MAML3: variants seen among roughly 807,000 people sequenced by gnomAD.
MAML3 encodes the protein mastermind-like protein 3.
In MAML3, 27 loss-of-function variants were observed where a neutral mutation model predicts 101.9. The ratio of observed to expected loss-of-function variants is 0.27; its 90% confidence interval spans 0.20 to 0.37. MAML3 has a LOEUF of 0.37. Among genes scored for constraint, MAML3 ranks in the 10% least tolerant of loss-of-function variants. MAML3 has a pLI of 1.00. For missense variants in MAML3, 1,316 were observed against 1,444.9 expected, an observed-to-expected ratio of 0.91 and a Z score of 1.45; for synonymous variants, 501 against 555.9, an observed-to-expected ratio of 0.90 and a Z score of 1.39.
chr4:139,910,475 T>C (rs1325855317), intron 1 of MAML3, among the ~76,000 whole-genome samples: 1 of 152,078 alleles, frequency 6.6e-6, no homozygotes, highest in Non-Finnish European at 1.5e-5. Flanking sequence ...AATTCAAATT[T>C]ATTTAAATAC....
chr4:139,851,756 C>A (rs997155100), intron 2 of MAML3, among the ~76,000 whole-genome samples: 7 of 152,192 alleles, frequency 4.6e-5, no homozygotes, highest in Non-Finnish European at 1.0e-4. Flanking sequence ...AGACTGTAAT[C>A]ATCTTGGCGC....
intron 1 of MAML3, among the ~76,000 whole-genome samples, chr4:140,082,500 G>C (rs373250739): frequency 2.0e-5 from 3 of 152,160 alleles, no homozygotes; most frequent in Admixed American, 6.5e-5. Flanking sequence ...CTCCCTGCCT[G>C]GTTGCCTGTT....
chr4:139,840,170 T>C (rs933080641), intron 2 of MAML3, among the ~76,000 whole-genome samples: 1 of 152,220 alleles, frequency 6.6e-6, no homozygotes, highest in African/African-American at 2.4e-5. Context: ...AGACACTACA[T>C]GGTCCCCTGG....
intron 1 of MAML3, among the ~76,000 whole-genome samples, chr4:139,915,296 C>G (rs1733005239): frequency 6.6e-6 from 1 of 152,210 alleles, no homozygotes; most frequent in Admixed American, 6.5e-5. Context: ...AAAACCAACT[C>G]CTCTTTGGAA....
chr4:139,942,873 G>C (rs2110742244), intron 1 of MAML3, among the ~76,000 whole-genome samples: 1 of 152,200 alleles, frequency 6.6e-6, no homozygotes, highest in South Asian at 2.1e-4. Flanking sequence ...CAGGTTGACA[G>C]GTTAATTTGG....
chr4:139,775,597 C>T lies in MAML3; in HGVS notation c.2080-44930G>A, dbSNP rs191665835. Among the ~76,000 whole-genome samples, 121 of 152,050 alleles carry T rather than the reference C, an allele frequency of 8.0e-4. 1 individual carries two copies. Among genetic ancestry groups the T allele is most frequent in the African/African-American group, 2.6e-3 (108 of 41,434 alleles). The stretch of plus-strand genomic sequence containing the variant: ...CAGGTTAAACCATGAGCTGTGGGCC[C>T]GGAAAGGAAAATAGGGGGCAGTTTG... On this transcript the variant is annotated intron_variant, in intron 2 of 4. Transcript: ENST00000509479.
chr4:139,823,297 A>G (rs546601862), intron 2 of MAML3, among the ~76,000 whole-genome samples: 2 of 152,328 alleles, frequency 1.3e-5, no homozygotes, highest in African/African-American at 4.8e-5. Flanking sequence ...GAGAACCCTG[A>G]ACTGAATTGG....
intron 2 of MAML3, among the ~76,000 whole-genome samples, chr4:139,879,435 A>G (rs1400731329): frequency 2.0e-5 from 3 of 151,480 alleles, no homozygotes; most frequent in African/African-American, 7.3e-5. Flanking sequence ...ATGAGGCTCA[A>G]GAATCGCTTG....
chr4:140,095,070 C>T lies in MAML3; in HGVS notation c.468+57790G>A, dbSNP rs577142100. Among the ~76,000 whole-genome samples the T allele has an allele frequency of 2.2e-4, 33 of 152,334 alleles. No homozygotes were observed. The East Asian group carries it at 4.1e-3, about 19-fold the overall frequency. On this transcript the variant is annotated intron_variant, in intron 1 of 4. Coordinates refer to ENST00000509479, the MANE Select transcript of MAML3 (RefSeq NM_018717.5). ...GCAGCCAGGCTGCAGCCACCCACAG[C>T]CTTGGGGCTGCCCTGACCCTGCCTC... is the stretch of plus-strand genomic sequence containing the variant.
intron 1 of MAML3, among the ~76,000 whole-genome samples, chr4:140,135,671 C>T (rs1049720638): frequency 1.5e-4 from 23 of 152,188 alleles, no homozygotes; most frequent in Non-Finnish European, 3.1e-4. Context: ...CACCCAATGC[C>T]GAGAGAGTTC....
intron 2 of MAML3, among the ~76,000 whole-genome samples, chr4:139,818,483 A>C (rs548828647): frequency 2.6e-5 from 4 of 152,304 alleles, no homozygotes; most frequent in African/African-American, 9.6e-5. Flanking sequence ...ATTTTTTCTA[A>C]CTAATTGAGG....
At chr4:139,887,808 C>A (rs773302700) in intron 2 of MAML3, among the ~76,000 whole-genome samples, 1 of 152,196 alleles carries the variant, frequency 6.6e-6, no homozygotes, top group African/African-American at 2.4e-5. Context: ...CCTTCTGACA[C>A]GCCTGGGCTA....
In MAML3 at chr4:140,112,911, T is replaced by C. The variant is rs546632764; in HGVS notation, c.468+39949A>G. On this transcript the variant is annotated intron_variant, in intron 1 of 4. Coordinates refer to ENST00000509479, the MANE Select transcript of MAML3 (RefSeq NM_018717.5). ...AAGAAAAAATAAAGCATAAAGAAAC[T>C]TGCATGCAATGCTCAGAAGCAAGGG... Among the ~76,000 whole-genome samples, 31 of 152,336 alleles carry C rather than the reference T, an allele frequency of 2.0e-4. No homozygotes were observed. In the East Asian group the frequency reaches 5.6e-3, roughly 28 times the overall value.
intron 1 of MAML3, among the ~76,000 whole-genome samples, chr4:139,935,876 T>C (rs1446004237): frequency 6.6e-6 from 1 of 152,184 alleles, no homozygotes; most frequent in African/African-American, 2.4e-5. Flanking sequence ...TTACCATTTA[T>C]TTTCTATGTG....
intron 1 of MAML3, among the ~76,000 whole-genome samples, chr4:140,067,321 G>A (rs1046835759): frequency 6.6e-6 from 1 of 152,124 alleles, no homozygotes; most frequent in African/African-American, 2.4e-5. Flanking sequence ...ACTGCTCAGG[G>A]ATATGACTTG....
At position 139,723,979 on chromosome 4, in the gene MAML3, T is replaced by C. The variant is rs79732612; in HGVS notation, c.2416+1772A>G. Among the ~76,000 whole-genome samples the C allele has an allele frequency of 9.8e-3, 1,491 of 152,288 alleles. 22 individuals carry two copies. Among genetic ancestry groups the C allele is most frequent in the African/African-American group, 0.033 (1,359 of 41,556 alleles). ...CAGGCTAAAGTTTGAGAACTACAGA[T>C]ACAAAGGAGGGCTCTGTATCTGCAA... On this transcript the variant is annotated intron_variant, in intron 4 of 4. Transcript: ENST00000509479.
At chr4:140,009,226 T>C (rs1726508742) in intron 1 of MAML3, among the ~76,000 whole-genome samples, 1 of 152,220 alleles carries the variant, frequency 6.6e-6, no homozygotes, top group Non-Finnish European at 1.5e-5. Flanking sequence ...GTTTACTAAA[T>C]GGGAATTGCC....
rs372554351 is a variant in MAML3 at position 140,104,381 on chromosome 4, A to AT, written c.468+48478dup. On this transcript the variant is annotated intron_variant, in intron 1 of 4. Transcript: ENST00000509479. ...CCTATTTTATATATATATATAATAT[A>AT]TATATATTATATATTATATAATATA... 1.2e-3 allele frequency among the ~76,000 whole-genome samples: 59 copies of AT among 47,692 alleles called. 1 individual carries two copies. Among genetic ancestry groups the AT allele is most frequent in the South Asian group, 1.5e-3 (2 of 1,300 alleles). The allele number at this position is 47,692 out of a possible 152,430, so 31.3% of individuals were successfully genotyped here.
intron 2 of MAML3, among the ~76,000 whole-genome samples, chr4:139,790,596 T>C (rs899194770): frequency 6.6e-6 from 1 of 152,172 alleles, no homozygotes; most frequent in Non-Finnish European, 1.5e-5. Flanking sequence ...CTTTGTCTTA[T>C]GAATTTACCA....
Sources: gnomAD v4.1 joint callset for allele counts (sites outside exome capture counted in the v4.1 genomes callset) on GRCh38, gnomAD v4.1.1 for gene constraint, MANE v1.5 for transcripts, NCBI Gene and HGNC (gene_info 2026-07-23, HGNC 2026-07-21) for gene names.